Variants in HECW2 observed in about 807,000 individuals in gnomAD.
HECW2 encodes the protein HECT, C2 and WW domain containing E3 ubiquitin protein ligase 2, also known as E3 ubiquitin-protein ligase HECW2.
Under a neutral mutation model 175.2 loss-of-function variants are expected in HECW2, and 61 were observed. The ratio of observed to expected loss-of-function variants is 0.35; its 90% CI spans 0.28 to 0.43. The LOEUF is 0.43. Among genes scored for constraint, HECW2 ranks in the 20% least tolerant of loss-of-function variants. The pLI is 1.00. For missense variants in HECW2, 1,524 were observed against 2,000.5 expected, an observed-to-expected ratio of 0.76 and a Z score of 4.54; for synonymous variants, 671 against 731.0, an observed-to-expected ratio of 0.92 and a Z score of 1.32.
At chr2:196,349,075 C>T (rs769925396) in intron 2 of HECW2, among the ~76,000 whole-genome samples, 14 of 152,186 alleles carry the variant, frequency 9.2e-5, no homozygotes, top group Admixed American at 3.3e-4. Context: ...CTGCGGCACC[C>T]TCTTCTCCAC....
chr2:196,567,194 A>G (rs12328628), intron 1 of HECW2, among the ~76,000 whole-genome samples: 8,108 of 152,278 alleles, frequency 0.053, 712 homozygotes, highest in African/African-American at 0.18. Flanking sequence ...AAGGGATGGC[A>G]GAGCAACAAA....
At chr2:196,380,111 A>C (rs545498026) in intron 2 of HECW2, among the ~76,000 whole-genome samples, 2 of 152,310 alleles carry the variant, frequency 1.3e-5, no homozygotes, top group Non-Finnish European at 2.9e-5. Context: ...ATAGGGGTGA[A>C]GCAGTTGTCC....
chr2:196,369,053 G>A (rs932623312), intron 2 of HECW2, among the ~76,000 whole-genome samples: 1 of 152,052 alleles, frequency 6.6e-6, no homozygotes, highest in Non-Finnish European at 1.5e-5. Flanking sequence ...TCAGGGTCTG[G>A]GCTTTGAAGA....
intron 1 of HECW2, among the ~76,000 whole-genome samples, chr2:196,484,624 A>T (rs531879776): frequency 6.6e-6 from 1 of 152,302 alleles, no homozygotes; most frequent in East Asian, 1.9e-4. Context: ...CCATCCCAGG[A>T]ATCAAGGGGT....
intron 1 of HECW2, among the ~76,000 whole-genome samples, chr2:196,588,339 T>C (rs11904273): frequency 3.9e-5 from 6 of 152,186 alleles, no homozygotes; most frequent in Non-Finnish European, 1.5e-5. Flanking sequence ...TGAATTAAAT[T>C]TTTTCATTGC....
intron 2 of HECW2, among the ~76,000 whole-genome samples, chr2:196,370,174 G>T (rs542869134): frequency 6.6e-6 from 1 of 152,122 alleles, no homozygotes; most frequent in South Asian, 2.1e-4. Flanking sequence ...AAGGCCCATG[G>T]TGAGTACTAC....
chr2:196,285,178 T>A (rs567449372), intron 14 of HECW2, among the ~76,000 whole-genome samples: 10 of 152,264 alleles, frequency 6.6e-5, no homozygotes, highest in Non-Finnish European at 7.3e-5. Context: ...TTTCTTTTTT[T>A]AAAAAAACTT....
At chr2:196,551,567 C>G (rs1420819210) in intron 1 of HECW2, among the ~76,000 whole-genome samples, 1 of 152,112 alleles carries the variant, frequency 6.6e-6, no homozygotes, top group Non-Finnish European at 1.5e-5. Context: ...ATACAAATGT[C>G]TGGATTTAAC....
chr2:196,351,330 C>T (rs956590197), intron 2 of HECW2, among the ~76,000 whole-genome samples: 4 of 151,732 alleles, frequency 2.6e-5, no homozygotes, highest in South Asian at 2.1e-4. Context: ...TTTTCCTGTA[C>T]ATGATTCTTG....
intron 19 of HECW2, among the ~76,000 whole-genome samples, chr2:196,247,985 A>C (rs766641644): frequency 6.6e-6 from 1 of 152,234 alleles, no homozygotes; most frequent in East Asian, 1.9e-4. Context: ...GAGTGAATGA[A>C]AACAAAACAT....
intron 1 of HECW2, among the ~76,000 whole-genome samples, chr2:196,459,197 A>G (rs531356530): frequency 2.0e-5 from 3 of 152,248 alleles, no homozygotes; most frequent in Non-Finnish European, 2.9e-5. Context: ...ATCAGATTAG[A>G]CAGGGAAGGC....
intron 1 of HECW2, among the ~76,000 whole-genome samples, chr2:196,485,271 T>C (rs926353704): frequency 6.6e-6 from 1 of 152,150 alleles, no homozygotes; most frequent in African/African-American, 2.4e-5. Flanking sequence ...GTTGGGAGCA[T>C]AGCACACAGC....
At chr2:196,560,569 A>G (rs867509004) in intron 1 of HECW2, among the ~76,000 whole-genome samples, 1 of 152,232 alleles carries the variant, frequency 6.6e-6, no homozygotes, top group East Asian at 1.9e-4. Flanking sequence ...TAAAAGATAT[A>G]TATTTTACCA....
intron 1 of HECW2, among the ~76,000 whole-genome samples, chr2:196,505,782 TC>T (rs1453560679): frequency 6.6e-6 from 1 of 152,172 alleles, no homozygotes; most frequent in Non-Finnish European, 1.5e-5. Context: ...GTGGATAACT[TC>T]ATAGAAATAT....
intron 7 of HECW2, 62 bp from the exon 8 acceptor site, chr2:196,320,501 C>A: frequency 1.0e-6 from 1 of 998,080 alleles, no homozygotes. Flanking sequence ...CGCCGTCTTT[C>A]CACAGGCCAC....
chr2:196,224,117 AGTAGAACATGTACCGTGT>A (rs1687765081), intron 23 of HECW2, among the ~76,000 whole-genome samples: 1 of 152,148 alleles, frequency 6.6e-6, no homozygotes, highest in African/African-American at 2.4e-5. Context: ...GATGGGGAAG[AGTAGAACATGTACCGTGT>A]GTATTTGTCA....
At chr2:196,516,111 TG>T (rs546204056) in intron 1 of HECW2, among the ~76,000 whole-genome samples, 22 of 152,168 alleles carry the variant, frequency 1.4e-4, no homozygotes, top group Non-Finnish European at 3.2e-4. Context: ...CACTCCAGCC[TG>T]GGTGACAGAG....
intron 1 of HECW2, among the ~76,000 whole-genome samples, chr2:196,451,353 G>A (rs1449715481): frequency 6.7e-6 from 1 of 149,932 alleles, no homozygotes; most frequent in Non-Finnish European, 1.5e-5. Context: ...AGAATTGCTT[G>A]AACTGGGAAG....
At chr2:196,421,246 T>C (rs1220477302) in intron 2 of HECW2, among the ~76,000 whole-genome samples, 3 of 152,076 alleles carry the variant, frequency 2.0e-5, no homozygotes, top group Non-Finnish European at 4.4e-5. Flanking sequence ...TAAAAGCAGA[T>C]GTAAAAAACT....
Sources: allele counts gnomAD v4.1 joint callset (sites outside exome capture counted in the v4.1 genomes callset), GRCh38; gene constraint gnomAD v4.1.1; transcripts MANE v1.5; gene names NCBI Gene and HGNC (gene_info 2026-07-23, HGNC 2026-07-21).